CDIN1: variants seen among roughly 807,000 people sequenced by gnomAD.
The protein encoded by CDIN1 is CDAN1 interacting nuclease 1.
In CDIN1, 33 loss-of-function variants were observed where a neutral mutation model predicts 45.3. The ratio of observed to expected loss-of-function variants is 0.73; its 90% CI spans 0.55 to 0.97. The LOEUF (loss-of-function observed/expected upper bound fraction) is 0.97, where lower values mean the gene tolerates loss of function less well. Among genes scored for constraint, CDIN1 ranks in the 50% least tolerant of loss-of-function variants. CDIN1 has a pLI of 0.00. For missense variants in CDIN1, 303 were observed against 339.4 expected (o/e 0.89, Z 0.84); for synonymous variants, 118 against 124.4 (o/e 0.95, Z 0.34).
intron 10 of CDIN1, among the ~76,000 whole-genome samples, chr15:36,737,466 C>T (rs1307569811): frequency 6.6e-6 from 1 of 152,176 alleles, no homozygotes; most frequent in Non-Finnish European, 1.5e-5. Context: ...TTGTGTGTGC[C>T]ATTGCTGTGA....
intron 1 of CDIN1, among the ~76,000 whole-genome samples, chr15:36,597,986 A>G (rs932710014): frequency 2.0e-5 from 3 of 152,110 alleles, no homozygotes; most frequent in African/African-American, 7.2e-5. Context: ...AATGGACGTA[A>G]AACTTATTAT....
intron 1 of CDIN1, among the ~76,000 whole-genome samples, 177 bp downstream of exon 1, chr15:36,580,138 A>G (rs2036975004): frequency 6.6e-6 from 1 of 152,234 alleles, no homozygotes; most frequent in African/African-American, 2.4e-5. Context: ...CTTCCACACA[A>G]AACTCTTAAC....
At chr15:36,750,923 G>A (rs1566949491) in intron 10 of CDIN1, among the ~76,000 whole-genome samples, 2 of 151,920 alleles carry the variant, frequency 1.3e-5, no homozygotes, top group Non-Finnish European at 2.9e-5. Flanking sequence ...AGGTAAAAAA[G>A]CAAACAAACA....
At chr15:36,594,807 C>A in intron 1 of CDIN1, 1 of 721,224 alleles carries the variant, frequency 1.4e-6, no homozygotes, top group Non-Finnish European at 1.7e-6. Flanking sequence ...AATGGGAGTC[C>A]GGCACTTAAA....
chr15:36,607,091 A>G (rs1277102103), intron 1 of CDIN1, among the ~76,000 whole-genome samples: 1 of 152,190 alleles, frequency 6.6e-6, no homozygotes, highest in Non-Finnish European at 1.5e-5. Context: ...TTGGAAAAGT[A>G]CATTGTTAAA....
chr15:36,624,940 A>G (rs2039352408), intron 1 of CDIN1, among the ~76,000 whole-genome samples: 2 of 152,134 alleles, frequency 1.3e-5, no homozygotes, highest in African/African-American at 2.4e-5. Context: ...CAGAACATAT[A>G]TTTTTGTGCA....
intron 10 of CDIN1, among the ~76,000 whole-genome samples, chr15:36,779,782 T>C (rs890007486): frequency 1.3e-5 from 2 of 152,144 alleles, no homozygotes; most frequent in Non-Finnish European, 2.9e-5. Context: ...TTTCCAAAGA[T>C]TTTTTGTTTT....
intron 10 of CDIN1, among the ~76,000 whole-genome samples, chr15:36,770,734 C>T (rs1215433073): frequency 1.3e-5 from 2 of 152,192 alleles, no homozygotes; most frequent in African/African-American, 4.8e-5. Context: ...CAGGCGTGAG[C>T]CACCACGCCG....
intron 5 of CDIN1, among the ~76,000 whole-genome samples, chr15:36,679,686 A>G (rs1449673448): frequency 2.0e-5 from 3 of 152,226 alleles, no homozygotes; most frequent in Non-Finnish European, 2.9e-5. Flanking sequence ...AGTCTAGATC[A>G]TAAGAGGTCT....
chr15:36,640,713 G>A, intron 1 of CDIN1: 1 of 884,658 alleles, frequency 1.1e-6, no homozygotes, highest in Non-Finnish European at 1.4e-6. Flanking sequence ...ACCCTTGCAT[G>A]AATGTTGCAT....
At chr15:36,711,629 A>G (rs2043059829) in intron 10 of CDIN1, among the ~76,000 whole-genome samples, 1 of 152,104 alleles carries the variant, frequency 6.6e-6, no homozygotes, top group African/African-American at 2.4e-5. Context: ...ACTACTATTG[A>G]TTTACATTCC....
intron 4 of CDIN1, among the ~76,000 whole-genome samples, chr15:36,656,810 C>G (rs964321911): frequency 2.6e-5 from 4 of 152,054 alleles, no homozygotes; most frequent in Non-Finnish European, 5.9e-5. Flanking sequence ...AAAAACTGTT[C>G]ATACAAATGA....
intron 10 of CDIN1, among the ~76,000 whole-genome samples, chr15:36,741,435 A>G (rs1220688432): frequency 4.0e-5 from 6 of 151,824 alleles, no homozygotes; most frequent in Non-Finnish European, 8.8e-5. Context: ...AATAATTATA[A>G]TGACAATTTA....
chr15:36,784,736 A>C (rs2054445095), intron 10 of CDIN1, among the ~76,000 whole-genome samples: 1 of 145,602 alleles, frequency 6.9e-6, no homozygotes, highest in Admixed American at 6.6e-5. Context: ...CCTGCTTGCT[A>C]ACTAAATTCT....
At chr15:36,759,259 A>G (rs1595564576) in intron 10 of CDIN1, among the ~76,000 whole-genome samples, 1 of 152,060 alleles carries the variant, frequency 6.6e-6, no homozygotes, top group African/African-American at 2.4e-5. Context: ...TGAACAAAGG[A>G]GAATTTGGCT....
chr15:36,617,592 A>C, intron 1 of CDIN1: 2 of 778,670 alleles, frequency 2.6e-6, no homozygotes, highest in Non-Finnish European at 4.7e-6. Flanking sequence ...AGTTGACCAC[A>C]GACCCTGATG....
At chr15:36,744,750 A>G (rs895813312) in intron 10 of CDIN1, among the ~76,000 whole-genome samples, 8 of 152,188 alleles carry the variant, frequency 5.3e-5, no homozygotes, top group African/African-American at 1.9e-4. Context: ...AGCTCAGATG[A>G]TAACTTTGAA....
At chr15:36,745,727 A>G (rs2044397567) in intron 10 of CDIN1, among the ~76,000 whole-genome samples, 1 of 152,104 alleles carries the variant, frequency 6.6e-6, no homozygotes, top group Non-Finnish European at 1.5e-5. Context: ...GCACTTTGGG[A>G]GGCCGAGGCG....
At chr15:36,805,358 C>A (rs996492406) in intron 10 of CDIN1, among the ~76,000 whole-genome samples, 1 of 152,174 alleles carries the variant, frequency 6.6e-6, no homozygotes, top group African/African-American at 2.4e-5. Context: ...AGCAGACCAA[C>A]CTCTGCTGTG....
Sources: gnomAD v4.1 joint callset for allele counts (sites outside exome capture counted in the v4.1 genomes callset) on GRCh38, gnomAD v4.1.1 for gene constraint, MANE v1.5 for transcripts, NCBI Gene and HGNC (gene_info 2026-07-23, HGNC 2026-07-21) for gene names.